RBMS1: variants seen among roughly 807,000 people sequenced by gnomAD.
RBMS1 encodes RNA binding motif single stranded interacting protein 1.
Under a neutral mutation model 62.3 loss-of-function variants are expected in RBMS1, and 17 were observed. The ratio of observed to expected loss-of-function variants is 0.27; its 90% CI spans 0.19 to 0.41. The LOEUF is 0.41. Ranked by LOEUF, RBMS1 falls within the 10% of genes least tolerant of loss-of-function variation. The pLI is 1.00. For missense variants in RBMS1, 334 were observed against 504.5 expected, an observed-to-expected ratio of 0.66 and a Z score of 3.24; for synonymous variants, 172 against 170.0, an observed-to-expected ratio of 1.01 and a Z score of -0.09.
chr2:160,441,993 ATTGTTTGTCTT>A (rs1683429350), intron 1 of RBMS1, among the ~76,000 whole-genome samples: 1 of 151,976 alleles, frequency 6.6e-6, no homozygotes, highest in Admixed American at 6.6e-5. Context: ...ATTTAATTGG[ATTGTTTGTCTT>A]TTTATGGTAG....
rs754005273 is a variant in RBMS1 at position 160,275,633 on chromosome 2, A to T, written c.*4T>A. ...TATGAAGACCTTTCCCTCATACCTC[A>T]CAGTTACTTATTAGGTTGAAAGGTA... On this transcript the variant is annotated 3_prime_UTR_variant, in exon 13 of 14. Coordinates refer to ENST00000348849, the MANE Select transcript of RBMS1 (RefSeq NM_016836.4). 6.2e-7 allele frequency: 1 copy of T among 1,613,378 alleles called. No individual in the cohort carries two copies. The highest frequency in any genetic ancestry group is 8.5e-7 in the Non-Finnish European group (1 of 1,179,456).
chr2:160,322,049 T>G (rs1042105800), intron 2 of RBMS1, among the ~76,000 whole-genome samples: 1 of 152,226 alleles, frequency 6.6e-6, no homozygotes, highest in African/African-American at 2.4e-5. Context: ...TCTAAGAAAC[T>G]AGAAAGGGCA....
At chr2:160,433,484 C>T (rs947982221) in intron 1 of RBMS1, among the ~76,000 whole-genome samples, 3 of 152,192 alleles carry the variant, frequency 2.0e-5, no homozygotes, top group Admixed American at 2.0e-4. Context: ...AACTTGAGTT[C>T]ACTGAATTCA....
intron 6 of RBMS1, among the ~76,000 whole-genome samples, chr2:160,294,445 T>G (rs567536689): frequency 3.3e-5 from 5 of 151,986 alleles, no homozygotes; most frequent in Non-Finnish European, 7.4e-5. Context: ...GCCATGCCAC[T>G]CGGGTATGGA....
rs1203395696 is a variant in RBMS1, at chr2:160,285,024, G to A, written c.777C>T (p.Tyr259=). The change falls in exon 8 of 14, where the codon TAC becomes TAT. Residue 259 remains tyrosine (Y), a synonymous_variant. Coordinates refer to ENST00000348849, the MANE Select transcript of RBMS1 (RefSeq NM_016836.4). ...TCTGTATAGCAGCTGTAGTTGGGTC[G>A]TAAGTAAGTGTCATTCCAGCCTATG... The part of the protein sequence containing the change: ...EVRLAGMTLT[Y]DPTTAAIQNG... The A allele has an allele frequency of 1.1e-5, 17 of 1,612,752 alleles. No homozygotes were observed. The highest frequency in any genetic ancestry group is 1.6e-4 in the Middle Eastern group (1 of 6,080).
intron 13 of RBMS1, 107 bp downstream of exon 13, chr2:160,275,523 A>G (rs916324536): frequency 6.7e-7 from 1 of 1,491,498 alleles, no homozygotes; most frequent in East Asian, 2.3e-5. Context: ...CGATTAAAGC[A>G]GTATGATAAA....
intron 6 of RBMS1, among the ~76,000 whole-genome samples, chr2:160,300,062 A>G (rs1689130505): frequency 6.6e-6 from 1 of 152,216 alleles, no homozygotes; most frequent in Non-Finnish European, 1.5e-5. Context: ...TTAACACTCA[A>G]AAATGGAGAC....
At chr2:160,404,015 A>C (rs577105620) in intron 1 of RBMS1, among the ~76,000 whole-genome samples, 1 of 152,348 alleles carries the variant, frequency 6.6e-6, no homozygotes, top group Admixed American at 6.5e-5. Context: ...AGTCCTGATA[A>C]ATGGTTTCAT....
At chr2:160,331,569 A>C (rs1691275345) in intron 2 of RBMS1, among the ~76,000 whole-genome samples, 1 of 152,222 alleles carries the variant, frequency 6.6e-6, no homozygotes, top group Admixed American at 6.5e-5. Flanking sequence ...AATAATAAAC[A>C]TTTGACATTC....
At chr2:160,480,348 GAGT>G (rs1402669693) in intron 1 of RBMS1, among the ~76,000 whole-genome samples, 1 of 152,148 alleles carries the variant, frequency 6.6e-6, no homozygotes, top group Non-Finnish European at 1.5e-5. Context: ...TGTTCTTAAA[GAGT>G]AGGTTTCAGT....
In RBMS1 at chr2:160,300,827, T is replaced by C. The variant is rs539753506; in HGVS notation, c.561-97A>G. 59 of 1,290,078 alleles carry C rather than the reference T, an allele frequency of 4.6e-5. 1 individual carries two copies. In the East Asian group the frequency reaches 1.6e-3, roughly 35 times the overall value. 79.9% of individuals were successfully genotyped at this position (1,290,078 alleles called of 1,614,324 possible). ...TAAACATTCTTATAGGTTTTTTGGA[T>C]ATAAATGAAACCTAGTAAAAATGTG... is the stretch of plus-strand genomic sequence containing the variant. On this transcript the variant is annotated intron_variant, in intron 5 of 13. Transcript: ENST00000348849.
intron 1 of RBMS1, among the ~76,000 whole-genome samples, chr2:160,483,849 A>G (rs1316134233): frequency 6.6e-6 from 1 of 152,024 alleles, no homozygotes; most frequent in Admixed American, 6.6e-5. Context: ...ACCCAAGCCC[A>G]CTCTGCAGGA....
At chr2:160,280,193 C>T (rs1260448204) in intron 10 of RBMS1, among the ~76,000 whole-genome samples, 1 of 151,996 alleles carries the variant, frequency 6.6e-6, no homozygotes, top group Non-Finnish European at 1.5e-5. Flanking sequence ...GTATCAGGGA[C>T]ACAGATTGCT....
At chr2:160,320,239 C>T (rs139755078) in intron 2 of RBMS1, among the ~76,000 whole-genome samples, 2 of 152,232 alleles carry the variant, frequency 1.3e-5, no homozygotes, top group Non-Finnish European at 2.9e-5. Context: ...AGGCCAAAGC[C>T]GGCGGATGGC....
chr2:160,426,297 A>AGAAAGAAAGAAAAGAAAGAAGGAAG (rs1559537519), intron 1 of RBMS1, among the ~76,000 whole-genome samples: 4 of 56,172 alleles, frequency 7.1e-5, no homozygotes, highest in Admixed American at 3.9e-4. Context: ...AAGAAAAGAA[A>AGAAAGAAAGAAAAGAAAGAAGGAAG]GAAGGAAGGA....
intron 2 of RBMS1, among the ~76,000 whole-genome samples, chr2:160,353,423 T>C (rs567418914): frequency 1.4e-3 from 211 of 152,226 alleles, no homozygotes; most frequent in Non-Finnish European, 2.4e-3. Context: ...ATAATACAAA[T>C]ATTATCCTTT....
Position 160,438,662 on chromosome 2 carries a change from T to C in RBMS1, c.75+54627A>G, listed in dbSNP as rs1223287759. Among the ~76,000 whole-genome samples, 9 of 152,344 alleles carry C rather than the reference T, an allele frequency of 5.9e-5. No homozygotes were observed. In the East Asian group the frequency reaches 1.7e-3, roughly 29 times the overall value. On this transcript the variant is annotated intron_variant, in intron 1 of 13. Coordinates refer to ENST00000348849, the MANE Select transcript of RBMS1 (RefSeq NM_016836.4). ...GAAAAGTCTCCCATGTCTACCTCTT[T>C]CTACACAGACATGGCAACCATCCGA...
intron 4 of RBMS1, among the ~76,000 whole-genome samples, chr2:160,310,156 T>C (rs544691485): frequency 2.0e-5 from 3 of 152,354 alleles, no homozygotes; most frequent in Non-Finnish European, 2.9e-5. Flanking sequence ...AAAATGTAAC[T>C]ATTTTATTTT....
chr2:160,288,173 T>C (rs1450136406), intron 6 of RBMS1, among the ~76,000 whole-genome samples: 1 of 152,180 alleles, frequency 6.6e-6, no homozygotes, highest in Non-Finnish European at 1.5e-5. Context: ...CTAGTTAATG[T>C]AATAAAGGCA....
Sources: gnomAD v4.1 joint callset for allele counts (sites outside exome capture counted in the v4.1 genomes callset) on GRCh38, gnomAD v4.1.1 for gene constraint, MANE v1.5 for transcripts, NCBI Gene and HGNC (gene_info 2026-07-23, HGNC 2026-07-21) for gene names.